The following CNTN5 variants were observed in gnomAD, a reference collection of about 807,000 sequenced individuals.
CNTN5 encodes contactin-5.
In CNTN5, 77 loss-of-function variants were observed where a neutral mutation model predicts 129.1. The ratio of observed to expected loss-of-function variants is 0.60; its 90% CI spans 0.50 to 0.72. The LOEUF is 0.72. Among genes scored for constraint, CNTN5 ranks in the 30% least tolerant of loss-of-function variants. CNTN5 has a pLI of 0.00. For missense variants in CNTN5, 1,478 were observed against 1,328.8 expected (o/e 1.11, Z -1.75); for synonymous variants, 509 against 465.6 (o/e 1.09, Z -1.20).
chr11:99,967,779 C>T (rs11222087), intron 8 of CNTN5, among the ~76,000 whole-genome samples: 25,413 of 152,036 alleles, frequency 0.17, 2,217 homozygotes, highest in Middle Eastern at 0.22. Flanking sequence ...TGCTTCCAGT[C>T]TCCCTTCAGG....
At chr11:99,543,643 T>G (rs1351881952) in intron 2 of CNTN5, among the ~76,000 whole-genome samples, 1 of 151,834 alleles carries the variant, frequency 6.6e-6, no homozygotes, top group African/African-American at 2.4e-5. Context: ...TTAGGCCGGG[T>G]GCGGTGGCTC....
chr11:99,550,008 A>G (rs928573524), intron 2 of CNTN5, among the ~76,000 whole-genome samples: 9 of 152,212 alleles, frequency 5.9e-5, no homozygotes, highest in African/African-American at 1.9e-4. Flanking sequence ...GCTGGACCCT[A>G]TTCCACGCAG....
intron 2 of CNTN5, among the ~76,000 whole-genome samples, chr11:99,410,380 A>C (rs1942338647): frequency 6.6e-6 from 1 of 152,184 alleles, no homozygotes; most frequent in African/African-American, 2.4e-5. Flanking sequence ...CAGGAGAAAA[A>C]TGCACATACC....
chr11:99,100,082 A>G (rs909096804), intron 1 of CNTN5, among the ~76,000 whole-genome samples: 5 of 152,128 alleles, frequency 3.3e-5, no homozygotes, highest in Non-Finnish European at 2.9e-5. Flanking sequence ...AACATTTGGG[A>G]AAAAAATTTT....
chr11:99,121,018 A>C (rs543841811), intron 1 of CNTN5, among the ~76,000 whole-genome samples: 1 of 152,316 alleles, frequency 6.6e-6, no homozygotes, highest in South Asian at 2.1e-4. Flanking sequence ...TTTTAACTTA[A>C]GAGCTTGGGC....
rs1348469887 is a variant in CNTN5, at chr11:99,939,979, C to G, written c.674-16827C>G. ...CCAAATAACCCAAATGGTTGGCAAC[C>G]AGAATATTTCACTTCTGGATTAGTT... On this transcript the variant is annotated intron_variant, in intron 7 of 24. Transcript: ENST00000524871. Among the ~76,000 whole-genome samples, 4 of 152,202 alleles carry G rather than the reference C, an allele frequency of 2.6e-5. 1 individual carries two copies. In the South Asian group the frequency reaches 6.2e-4, roughly 24 times the overall value.
chr11:99,365,261 G>C (rs1249051037), intron 2 of CNTN5, among the ~76,000 whole-genome samples: 2 of 152,092 alleles, frequency 1.3e-5, no homozygotes, highest in Non-Finnish European at 2.9e-5. Flanking sequence ...TGGCTATATG[G>C]ATTTGTTGAA....
chr11:100,207,313 G>A (rs1236752273), intron 15 of CNTN5, among the ~76,000 whole-genome samples: 1 of 151,978 alleles, frequency 6.6e-6, no homozygotes, highest in Non-Finnish European at 1.5e-5. Context: ...CATTACTAAA[G>A]GTTGTTCAAC....
intron 9 of CNTN5, among the ~76,000 whole-genome samples, chr11:100,025,054 A>G (rs957136507): frequency 1.3e-5 from 2 of 152,214 alleles, no homozygotes; most frequent in African/African-American, 4.8e-5. Context: ...TCTCCAGGGC[A>G]TGTCAGAGGT....
intron 9 of CNTN5, among the ~76,000 whole-genome samples, chr11:100,040,741 G>A (rs185921497): frequency 7.4e-4 from 112 of 152,306 alleles, no homozygotes; most frequent in Non-Finnish European, 1.3e-3. Context: ...TGCTAGCAAT[G>A]AGCGAGACTC....
chr11:99,349,288 C>T (rs1353729007), intron 2 of CNTN5, among the ~76,000 whole-genome samples: 1 of 152,148 alleles, frequency 6.6e-6, no homozygotes, highest in Non-Finnish European at 1.5e-5. Flanking sequence ...TTTTTCAATA[C>T]TCCTCCATAG....
chr11:99,037,009 A>G (rs1431198442), intron 1 of CNTN5, among the ~76,000 whole-genome samples: 2 of 152,046 alleles, frequency 1.3e-5, no homozygotes, highest in African/African-American at 4.8e-5. Context: ...CATATCTGTG[A>G]AAACATAGAG....
chr11:99,517,140 C>T (rs945757627), intron 2 of CNTN5, among the ~76,000 whole-genome samples: 1 of 152,048 alleles, frequency 6.6e-6, no homozygotes, highest in Non-Finnish European at 1.5e-5. Context: ...CTTTTAAAGA[C>T]CAGTCAAATA....
intron 13 of CNTN5, among the ~76,000 whole-genome samples, chr11:100,190,914 C>T (rs750131625): frequency 6.6e-6 from 1 of 151,974 alleles, no homozygotes; most frequent in Non-Finnish European, 1.5e-5. Context: ...TATCTTGTTA[C>T]TCCTTAACCT....
chr11:99,429,521 GAGAGAGAGAGAGTCTGAGTGTGTT>G (rs1943273938), intron 2 of CNTN5, among the ~76,000 whole-genome samples: 1 of 151,774 alleles, frequency 6.6e-6, no homozygotes, highest in Non-Finnish European at 1.5e-5. Context: ...CAGCAAAAGG[GAGAGAGAGAGAGTCTGAGTGTGTT>G]AGAGGAAGGT....
intron 2 of CNTN5, among the ~76,000 whole-genome samples, chr11:99,513,938 C>A (rs938412115): frequency 4.0e-5 from 6 of 151,842 alleles, no homozygotes; most frequent in African/African-American, 4.8e-5. Flanking sequence ...GCTATTATGA[C>A]CATAGTGATT....
At chr11:99,439,770 A>G (rs1228187459) in intron 2 of CNTN5, among the ~76,000 whole-genome samples, 2 of 151,824 alleles carry the variant, frequency 1.3e-5, no homozygotes, top group Non-Finnish European at 2.9e-5. Context: ...CTAAATCTAG[A>G]TATATATTTA....
At position 100,154,487 on chromosome 11, in the gene CNTN5, G is replaced by A. The variant is rs539437278; in HGVS notation, c.1581-36639G>A. Reference sequence around the variant, plus strand: ...GAACAGTGCCACAATAAACATACATGTGCAGATGTCTTTATAGTAGAATGT... The same window carrying A: ...GAACAGTGCCACAATAAACATACATATGCAGATGTCTTTATAGTAGAATGT... On this transcript the variant is annotated intron_variant, in intron 13 of 24. Coordinates refer to ENST00000524871, the MANE Select transcript of CNTN5 (RefSeq NM_014361.4). Among the ~76,000 whole-genome samples the A allele has an allele frequency of 1.8e-3, 275 of 152,256 alleles. 1 individual carries two copies. Among genetic ancestry groups the A allele is most frequent in the African/African-American group, 6.4e-3 (267 of 41,558 alleles).
At chr11:99,089,806 G>A (rs1410815107) in intron 1 of CNTN5, among the ~76,000 whole-genome samples, 1 of 152,134 alleles carries the variant, frequency 6.6e-6, no homozygotes, top group African/African-American at 2.4e-5. Context: ...TATATTAAAT[G>A]AGTGTTAACA....
Sources: gnomAD v4.1 joint callset for allele counts (sites outside exome capture counted in the v4.1 genomes callset) on GRCh38, gnomAD v4.1.1 for gene constraint, MANE v1.5 for transcripts, NCBI Gene and HGNC (gene_info 2026-07-23, HGNC 2026-07-21) for gene names.